Variants in AKNAD1 observed in about 807,000 individuals in gnomAD.
AKNAD1 encodes AKNA domain containing 1.
AKNAD1 carries 67 observed loss-of-function variants against 90.8 expected under a neutral mutation model. The ratio of observed to expected loss-of-function variants is 0.74; its 90% CI spans 0.61 to 0.90. AKNAD1 has a LOEUF of 0.90. AKNAD1 is among the 40% of genes least tolerant of loss of function. AKNAD1 has a pLI of 0.00. For missense variants in AKNAD1, 957 were observed against 975.4 expected, an observed-to-expected ratio of 0.98 and a Z score of 0.25; for synonymous variants, 327 against 341.4, an observed-to-expected ratio of 0.96 and a Z score of 0.46.
rs528881900 is a variant in AKNAD1, at chr1:108,824,958, C to G, written c.1937-1270G>C. ...TAGTGATGGCATATAACTTCCAAAC[C>G]TAGGCCATGAAAGACACTGAAGCTT... On this transcript the variant is annotated intron_variant, in intron 11 of 15. Transcript: ENST00000370001. Among the ~76,000 whole-genome samples, 11 of 151,744 alleles carry G rather than the reference C, an allele frequency of 7.2e-5. No individual in the cohort carries two copies. The South Asian group carries it at 2.3e-3, about 32-fold the overall frequency.
At chr1:108,857,665 A>T (rs558682752), upstream of AKNAD1, among the ~76,000 whole-genome samples, 2 of 152,314 alleles carry the variant, frequency 1.3e-5, no homozygotes, top group African/African-American at 4.8e-5. Context: ...AAACCTCTAC[A>T]AACCAGGCAA....
rs199601380 is a variant in AKNAD1, at chr1:108,848,734, C to T, written c.1245+18G>A. 2.8e-5 allele frequency: 44 copies of T among 1,594,490 alleles called. No homozygotes were observed. The highest frequency in any genetic ancestry group is 9.5e-5 in the African/African-American group (7 of 73,924). ...TATTCTCTAATCAAGATTTTAAAAA[C>T]GGGATAAAATTCATTACCAGCTTCT... On this transcript the variant is annotated intron_variant, in intron 5 of 15. Transcript: ENST00000370001.
chr1:108,845,305 C>T (rs903990281), intron 5 of AKNAD1, among the ~76,000 whole-genome samples: 53 of 152,164 alleles, frequency 3.5e-4, no homozygotes, highest in African/African-American at 1.2e-3. Context: ...TGGTTTTAGT[C>T]GATGGAAGGC....
At chr1:108,846,315 A>G (rs1478723750) in intron 5 of AKNAD1, among the ~76,000 whole-genome samples, 2 of 152,168 alleles carry the variant, frequency 1.3e-5, no homozygotes, top group Non-Finnish European at 2.9e-5. Flanking sequence ...ACCTGATAAC[A>G]TCAGGAAGAA....
intron 15 of AKNAD1, 194 bp downstream of exon 15, chr1:108,816,854 C>A: frequency 1.8e-6 from 1 of 552,074 alleles, no homozygotes; most frequent in South Asian, 2.7e-5. Flanking sequence ...CCCTTGGAAC[C>A]AATTTAGAAT....
intron 10 of AKNAD1, among the ~76,000 whole-genome samples, chr1:108,829,379 C>T (rs1229890975): frequency 1.3e-5 from 2 of 152,148 alleles, no homozygotes; most frequent in East Asian, 3.8e-4. Flanking sequence ...AAATTTAGTA[C>T]CTTGAGTGCT....
intron 7 of AKNAD1, among the ~76,000 whole-genome samples, chr1:108,835,282 C>T (rs1347440692): frequency 6.6e-6 from 1 of 152,198 alleles, no homozygotes; most frequent in African/African-American, 2.4e-5. Context: ...TAATTCAAAC[C>T]TTCTGCATTT....
At chr1:108,826,734 TTCTTTTTC>T (rs1453430967) in intron 11 of AKNAD1, among the ~76,000 whole-genome samples, 7 of 130,304 alleles carry the variant, frequency 5.4e-5, no homozygotes, top group African/African-American at 1.9e-4. Context: ...TTCTTTTCTT[TTCTTTTTC>T]TTTTTTTTTT....
chr1:108,818,705 G>A (rs1355857317), intron 14 of AKNAD1, among the ~76,000 whole-genome samples: 3 of 152,092 alleles, frequency 2.0e-5, no homozygotes, highest in Non-Finnish European at 4.4e-5. Flanking sequence ...GCTCACGCCT[G>A]TAATCCCAGC....
At chr1:108,839,555 A>G (rs1037249039) in intron 6 of AKNAD1, among the ~76,000 whole-genome samples, 3 of 152,040 alleles carry the variant, frequency 2.0e-5, no homozygotes, top group Non-Finnish European at 4.4e-5. Context: ...CACTAAATTA[A>G]TAGATTAAAG....
rs751827825 is a variant in AKNAD1 at position 108,852,189 on chromosome 1, G to C, written c.476C>G (p.Ser159Cys). Residue 159 changes from serine to cysteine, a missense_variant, in exon 2 of 16, where the codon TCT becomes TGT. Physicochemically the swap from Ser to Cys is moderately radical, Grantham distance 112. Transcript: ENST00000370001. ...KSIISCYNKN[S>C]WPKEQTPELT... is the part of the protein sequence containing the mutation. ...TTCTGGGGTTTGTTCTTTTGGCCAA[G>C]AATTCTTATTATAACATGAAATAAT... The C allele has an allele frequency of 6.2e-7, 1 of 1,613,520 alleles. No homozygotes were observed. Among genetic ancestry groups the C allele is most frequent in the Non-Finnish European group, 8.5e-7 (1 of 1,179,928 alleles).
At chr1:108,816,486 T>C (rs1368110389) in intron 15 of AKNAD1, among the ~76,000 whole-genome samples, 184 bp from the exon 16 acceptor site, 1 of 151,912 alleles carries the variant, frequency 6.6e-6, no homozygotes, top group Admixed American at 6.6e-5. Flanking sequence ...ATATATTTGT[T>C]AGGGAAAGGG....
rs530225574 is a variant in AKNAD1 at position 108,851,823 on chromosome 1, G to A, written c.842C>T (p.Ala281Val). The change falls in exon 2 of 16, where the codon GCA becomes GTA. Residue 281 changes from alanine (A) to valine (V), a missense_variant. Ala to Val is a moderately conservative substitution (Grantham distance 64, BLOSUM62 0). Coordinates refer to ENST00000370001, the MANE Select transcript of AKNAD1 (RefSeq NM_152763.5). ...AGAAAAGCTGGCTTGTTTAGCTATT[G>A]CAAGTGGTTTATTAATTATCTTATT... ...PKNKIINKPLAIAKQASFSSK... is the reference protein window; with the variant it reads ...PKNKIINKPLVIAKQASFSSK... 85 of 1,614,042 alleles carry A rather than the reference G, an allele frequency of 5.3e-5. No individual in the cohort carries two copies. Among genetic ancestry groups the A allele is most frequent in the South Asian group, 5.2e-4 (47 of 91,044 alleles).
intron 13 of AKNAD1, among the ~76,000 whole-genome samples, chr1:108,822,537 G>C (rs1172687260): frequency 6.6e-6 from 1 of 152,148 alleles, no homozygotes; most frequent in Non-Finnish European, 1.5e-5. Flanking sequence ...AGCTGGAGGT[G>C]GGGAGGGGAG....
chr1:108,835,189 C>G, intron 7 of AKNAD1, 133 bp from the exon 8 acceptor site: 3 of 966,004 alleles, frequency 3.1e-6, no homozygotes, highest in Non-Finnish European at 4.4e-6. Flanking sequence ...ACCCCTGTCT[C>G]CCCCAGCTCT....
intron 1 of AKNAD1, among the ~76,000 whole-genome samples, chr1:108,855,366 T>A (rs1001659904): frequency 6.6e-6 from 1 of 151,354 alleles, no homozygotes; most frequent in Non-Finnish European, 1.5e-5. Flanking sequence ...TGAGCCAAGA[T>A]CGCGCCACTG....
chr1:108,818,975 A>AAC (rs1663723045), intron 14 of AKNAD1, among the ~76,000 whole-genome samples: 1 of 151,496 alleles, frequency 6.6e-6, no homozygotes, highest in Non-Finnish European at 1.5e-5. Flanking sequence ...AAAAAAAAAA[A>AAC]AAAAAACCAA....
rs766079377 is a variant in AKNAD1, at chr1:108,823,559, G to GTGTT, written c.2059+3_2059+6dup. On this transcript the variant is annotated splice_region_variant and intron_variant, in intron 12 of 15. Transcript: ENST00000370001. ...CTCGCCTTTCTGAGGCCCCAGGTGA[G>GTGTT]TGTTACCTTTAGTTGGTTCTTTCCT... The GTGTT allele has an allele frequency of 3.7e-6, 6 of 1,614,020 alleles. No homozygotes were observed. The highest frequency in any genetic ancestry group is 1.1e-5 in the South Asian group (1 of 91,074).
chr1:108,841,070 G>A (rs2101198384), intron 6 of AKNAD1, among the ~76,000 whole-genome samples: 1 of 152,240 alleles, frequency 6.6e-6, no homozygotes, highest in Admixed American at 6.5e-5. Flanking sequence ...CTATTCTGGA[G>A]GCTAAGGCAG....
Sources: gnomAD v4.1 joint callset for allele counts (sites outside exome capture counted in the v4.1 genomes callset) on GRCh38, gnomAD v4.1.1 for gene constraint, MANE v1.5 for transcripts, NCBI Gene and HGNC (gene_info 2026-07-23, HGNC 2026-07-21) for gene names.